The following PITPNB variants were observed in gnomAD, a reference collection of about 807,000 sequenced individuals.
The protein encoded by PITPNB is phosphatidylinositol transfer protein beta isoform.
A neutral mutation model predicts 45.9 loss-of-function variants in PITPNB; 16 were observed. That is an observed-to-expected ratio of 0.35 (90% CI 0.24 to 0.53). The LOEUF (loss-of-function observed/expected upper bound fraction) is 0.53, where lower values mean the gene tolerates loss of function less well. Among genes scored for constraint, PITPNB ranks in the 20% least tolerant of loss-of-function variants. PITPNB has a pLI of 0.93. For synonymous variants in PITPNB, 112 were observed against 108.9 expected (o/e 1.03, Z -0.18); for missense variants, 188 against 330.5 (o/e 0.57, Z 3.34).
At chr22:27,888,909 C>T (rs1472015510) in intron 7 of PITPNB, among the ~76,000 whole-genome samples, 2 of 152,202 alleles carry the variant, frequency 1.3e-5, no homozygotes, top group African/African-American at 4.8e-5. Context: ...ACTGCCCTGG[C>T]AAGGCCTGAG....
intron 7 of PITPNB, among the ~76,000 whole-genome samples, chr22:27,884,766 A>G (rs1399733578): frequency 6.6e-6 from 1 of 152,154 alleles, no homozygotes; most frequent in Non-Finnish European, 1.5e-5. Context: ...TTTAAACTAC[A>G]TCTCTCAATT....
chr22:27,867,150 C>A (rs1397519649), intron 8 of PITPNB, among the ~76,000 whole-genome samples: 1 of 152,154 alleles, frequency 6.6e-6, no homozygotes, highest in Non-Finnish European at 1.5e-5. Context: ...TTACAAGCCC[C>A]TACTATGAGC....
chr22:27,867,255 T>TG (rs774167434), intron 8 of PITPNB, among the ~76,000 whole-genome samples: 1 of 148,352 alleles, frequency 6.7e-6, no homozygotes, highest in Non-Finnish European at 1.5e-5. Flanking sequence ...ATGGAGGAGG[T>TG]GGGGGGAAGG....
At chr22:27,892,305 T>C (rs372160592) in intron 7 of PITPNB, among the ~76,000 whole-genome samples, 4 of 152,306 alleles carry the variant, frequency 2.6e-5, no homozygotes, top group South Asian at 4.1e-4. Context: ...CCAGCATTCA[T>C]GCCTGTAAAC....
intron 6 of PITPNB, among the ~76,000 whole-genome samples, chr22:27,895,267 G>A (rs1171264923): frequency 3.9e-5 from 6 of 152,114 alleles, no homozygotes. Context: ...ATCTTATCTA[G>A]ATTATAAATT....
At chr22:27,903,777 C>CAAAA (rs58453570) in intron 3 of PITPNB, among the ~76,000 whole-genome samples, 1 of 84,258 alleles carries the variant, frequency 1.2e-5, no homozygotes, top group Non-Finnish European at 2.5e-5. Flanking sequence ...CCCTGTCTCC[C>CAAAA]AAAAAAAAAA....
chr22:27,894,931 CG>C (rs1935392794), intron 6 of PITPNB, among the ~76,000 whole-genome samples: 1 of 152,120 alleles, frequency 6.6e-6, no homozygotes, highest in Admixed American at 6.6e-5. Flanking sequence ...ACTAAATATA[CG>C]AGACCTATGC....
chr22:27,896,593 T>C lies in PITPNB; in HGVS notation c.331A>G (p.Ile111Val), dbSNP rs776034702. ...EYMKDDFFIK[I>V]ETWHKPDLGT... The stretch of plus-strand genomic sequence containing the variant: ...AAGTCTGGTTTGTGCCATGTTTCGA[T>C]TTTAATGAAGAAATCATCTTTCATA... The change falls in exon 6 of 12, where the codon ATC (isoleucine) becomes GTC (valine). Residue 111 changes from isoleucine (I) to valine (V), a missense_variant. Physicochemically the swap from Ile to Val is conservative, Grantham distance 29. Transcript: ENST00000335272. The C allele has an allele frequency of 3.1e-6, 5 of 1,610,910 alleles. No individual in the cohort carries two copies. Among genetic ancestry groups the C allele is most frequent in the Non-Finnish European group, 3.4e-6 (4 of 1,177,152 alleles).
intron 3 of PITPNB, among the ~76,000 whole-genome samples, chr22:27,909,039 GACAGCTACAACTTT>G (rs1224391898): frequency 6.6e-6 from 1 of 152,046 alleles, no homozygotes; most frequent in Non-Finnish European, 1.5e-5. Context: ...ATCTGATCAT[GACAGCTACAACTTT>G]AAGGAGTTCC....
At chr22:27,870,147 T>C (rs912343113) in intron 8 of PITPNB, among the ~76,000 whole-genome samples, 12 of 152,212 alleles carry the variant, frequency 7.9e-5, no homozygotes, top group Non-Finnish European at 1.6e-4. Flanking sequence ...GTTCCAGAAA[T>C]GGCAGACATT....
At chr22:27,854,714 T>C (rs1934122607) in intron 11 of PITPNB, 140 bp downstream of exon 11, 2 of 552,926 alleles carry the variant, frequency 3.6e-6, no homozygotes, top group Non-Finnish European at 3.2e-6. Flanking sequence ...GTGTTCACTA[T>C]TAATTTCTAA....
chr22:27,886,580 C>A (rs1935128383), intron 7 of PITPNB, among the ~76,000 whole-genome samples: 1 of 152,212 alleles, frequency 6.6e-6, no homozygotes, highest in African/African-American at 2.4e-5. Flanking sequence ...TTCATAAACA[C>A]TACCAAAGAC....
intron 8 of PITPNB, among the ~76,000 whole-genome samples, chr22:27,867,241 G>A (rs1178443697): frequency 1.3e-5 from 2 of 152,044 alleles, no homozygotes; most frequent in African/African-American, 2.4e-5. Context: ...GTGAACAACA[G>A]GAGATGGAGG....
chr22:27,918,061 C>T (rs1936135889), intron 1 of PITPNB, among the ~76,000 whole-genome samples: 1 of 151,788 alleles, frequency 6.6e-6, no homozygotes, highest in African/African-American at 2.4e-5. Flanking sequence ...AGGAAGCTTG[C>T]GAAGATGGAA....
chr22:27,874,948 T>C (rs1934778110), intron 7 of PITPNB, among the ~76,000 whole-genome samples: 1 of 152,198 alleles, frequency 6.6e-6, no homozygotes, highest in Non-Finnish European at 1.5e-5. Flanking sequence ...AAGCAAGAAC[T>C]GAACATGCTC....
chr22:27,898,426 G>T (rs1328549428), intron 3 of PITPNB, among the ~76,000 whole-genome samples: 7 of 143,106 alleles, frequency 4.9e-5, no homozygotes, highest in Admixed American at 7.0e-5. Context: ...TGTGTGTGTG[G>T]TTTTTTTTTT....
intron 3 of PITPNB, among the ~76,000 whole-genome samples, chr22:27,904,036 T>A (rs1166510679): frequency 6.6e-6 from 1 of 152,136 alleles, no homozygotes; most frequent in Non-Finnish European, 1.5e-5. Context: ...CATTATAAAG[T>A]GGTGTAGTTG....
rs575237503 is a variant in PITPNB at position 27,918,860 on chromosome 22, G to A, written c.20+312C>T. Among the ~76,000 whole-genome samples the A allele has an allele frequency of 2.0e-4, 31 of 152,254 alleles. 1 individual carries two copies. In the South Asian group the frequency reaches 5.6e-3, roughly 27 times the overall value. On this transcript the variant is annotated intron_variant, in intron 1 of 11. Transcript: ENST00000335272. ...GGGTGGGCCCAGACCCAGCCTGGGGGTGGGGGGTTGGGGAGAAGGCGGGTC... is the reference window on the plus strand; with the variant it reads ...GGGTGGGCCCAGACCCAGCCTGGGGATGGGGGGTTGGGGAGAAGGCGGGTC...
chr22:27,892,711 T>C (rs1015270456), intron 7 of PITPNB, among the ~76,000 whole-genome samples: 2 of 152,228 alleles, frequency 1.3e-5, no homozygotes, highest in African/African-American at 4.8e-5. Flanking sequence ...GATATATCAT[T>C]TCATTTCTAC....
Sources: allele counts gnomAD v4.1 joint callset (sites outside exome capture counted in the v4.1 genomes callset), GRCh38; gene constraint gnomAD v4.1.1; transcripts MANE v1.5; gene names NCBI Gene and HGNC (gene_info 2026-07-23, HGNC 2026-07-21).